Variants in MCTP1 observed in about 807,000 individuals in gnomAD.
MCTP1 encodes multiple C2 and transmembrane domain-containing protein 1.
In MCTP1, 69 loss-of-function variants were observed where a neutral mutation model predicts 120.6. The ratio of observed to expected loss-of-function variants is 0.57; its 90% CI spans 0.47 to 0.70. The LOEUF is 0.70. Among genes scored for constraint, MCTP1 ranks in the 30% least tolerant of loss-of-function variants. The pLI is 0.00. For missense variants in MCTP1, 1,203 were observed against 1,248.8 expected, an observed-to-expected ratio of 0.96 and a Z score of 0.55; for synonymous variants, 529 against 493.1, an observed-to-expected ratio of 1.07 and a Z score of -0.96.
chr5:95,021,378 G>T (rs1838172964), intron 1 of MCTP1, among the ~76,000 whole-genome samples: 1 of 151,996 alleles, frequency 6.6e-6, no homozygotes. Context: ...ACAAAATTTT[G>T]ATTTGAACTG....
At position 94,912,466 on chromosome 5, in the gene MCTP1, A is replaced by AAAAAAAAAAAAAAAAAG. The variant is rs1211529200; in HGVS notation, c.1521+339_1521+340insCTTTTTTTTTTTTTTTT. The stretch of plus-strand genomic sequence containing the variant: ...AAAAAAAAAAAAAAAAAAAAAAAAA[A>AAAAAAAAAAAAAAAAAG]GCCGCACTCTGAGTACTTTATGTGC... On this transcript the variant is annotated intron_variant, in intron 9 of 22. Coordinates refer to ENST00000515393, the MANE Select transcript of MCTP1 (RefSeq NM_024717.7). Among the ~76,000 whole-genome samples the AAAAAAAAAAAAAAAAAG allele has an allele frequency of 1.2e-3, 115 of 92,096 alleles. 34 individuals are homozygous for AAAAAAAAAAAAAAAAAG. The highest frequency in any genetic ancestry group is 1.5e-3 in the Non-Finnish European group (65 of 42,804). The allele number at this position is 92,096 out of a possible 152,430, so 60.4% of individuals were successfully genotyped here.
chr5:94,740,268 C>T (rs940542626), intron 19 of MCTP1, among the ~76,000 whole-genome samples: 1 of 152,226 alleles, frequency 6.6e-6, no homozygotes, highest in African/African-American at 2.4e-5. Flanking sequence ...AACCTCCTTA[C>T]ATGCCTTCAG....
At chr5:95,226,575 T>G (rs1754298394) in intron 1 of MCTP1, among the ~76,000 whole-genome samples, 1 of 152,094 alleles carries the variant, frequency 6.6e-6, no homozygotes, top group East Asian at 1.9e-4. Flanking sequence ...CACAATTTAC[T>G]GCTCTCTCAG....
intron 1 of MCTP1, among the ~76,000 whole-genome samples, chr5:95,249,543 C>T (rs543021452): frequency 5.9e-5 from 9 of 152,174 alleles, no homozygotes; most frequent in East Asian, 3.9e-4. Flanking sequence ...AATAGGAACG[C>T]TTTTCACTGT....
chr5:95,263,384 C>T (rs1180520199), intron 1 of MCTP1, among the ~76,000 whole-genome samples: 2 of 152,158 alleles, frequency 1.3e-5, no homozygotes, highest in African/African-American at 4.8e-5. Flanking sequence ...TCCCATGCAC[C>T]TCCATTCAAA....
chr5:94,750,288 G>A (rs902651261), intron 19 of MCTP1, among the ~76,000 whole-genome samples: 3 of 152,188 alleles, frequency 2.0e-5, no homozygotes, highest in Non-Finnish European at 2.9e-5. Context: ...TGTTATTGAC[G>A]TACAGGGGGA....
intron 1 of MCTP1, among the ~76,000 whole-genome samples, chr5:95,112,361 G>C (rs1016803061): frequency 6.6e-6 from 1 of 152,118 alleles, no homozygotes; most frequent in South Asian, 2.1e-4. Context: ...ACTTTCCATG[G>C]TATTTCTTCA....
At chr5:94,917,764 T>G (rs1338255056) in intron 8 of MCTP1, 132 bp downstream of exon 8, 2 of 623,230 alleles carry the variant, frequency 3.2e-6, no homozygotes, top group East Asian at 5.6e-5. Context: ...AAAATTAAGA[T>G]TACAATTCCT....
intron 18 of MCTP1, among the ~76,000 whole-genome samples, chr5:94,796,141 C>T (rs538649804): frequency 6.6e-6 from 1 of 152,322 alleles, no homozygotes; most frequent in Non-Finnish European, 1.5e-5. Flanking sequence ...TTTTCTTCTT[C>T]AACTTCGTAT....
intron 1 of MCTP1, among the ~76,000 whole-genome samples, chr5:95,043,002 T>G (rs1338696867): frequency 6.6e-6 from 1 of 152,158 alleles, no homozygotes; most frequent in Non-Finnish European, 1.5e-5. Flanking sequence ...ATGAGTAAAT[T>G]CTAATCACTA....
Position 95,017,445 on chromosome 5 carries a change from G to C in MCTP1, c.760C>G (p.Pro254Ala), listed in dbSNP as rs922235415. The change falls in exon 2 of 23, where the codon CCC (proline) becomes GCC (alanine). Residue 254 changes from proline (P) to alanine (A), a missense_variant. Physicochemically the swap from Pro to Ala is conservative, Grantham distance 27. Around this residue, in one of 2 missense-constraint regions of MCTP1, gnomAD observed 463 missense variants for 377.8 expected, o/e 1.23. Transcript: ENST00000515393. ...NTAGTSNAEV[P>A]LADPGMYQLD... ...TGGTACATTCCGGGATCAGCCAAGGGGACTTCTGCATTACTGGTTCCAGCA... is the reference window on the plus strand; with the variant it reads ...TGGTACATTCCGGGATCAGCCAAGGCGACTTCTGCATTACTGGTTCCAGCA... 6.2e-7 allele frequency: 1 copy of C among 1,609,720 alleles called. No individual in the cohort carries two copies. The highest frequency in any genetic ancestry group is 8.5e-7 in the Non-Finnish European group (1 of 1,177,464).
chr5:94,921,704 A>G (rs969050819), intron 7 of MCTP1, among the ~76,000 whole-genome samples: 5 of 152,192 alleles, frequency 3.3e-5, no homozygotes, highest in African/African-American at 4.8e-5. Context: ...TACTCAACCA[A>G]AGTAGACTTG....
chr5:94,876,246 A>G (rs1364922241), intron 12 of MCTP1, among the ~76,000 whole-genome samples: 1 of 152,192 alleles, frequency 6.6e-6, no homozygotes, highest in African/African-American at 2.4e-5. Context: ...AATACTAGTG[A>G]TGGACCTAAC....
At chr5:95,145,388 T>C (rs1418068977) in intron 1 of MCTP1, among the ~76,000 whole-genome samples, 2 of 152,182 alleles carry the variant, frequency 1.3e-5, no homozygotes, top group Non-Finnish European at 2.9e-5. Flanking sequence ...CTTTTATTTC[T>C]TTCTCTTGCC....
intron 1 of MCTP1, among the ~76,000 whole-genome samples, chr5:95,150,751 T>C (rs1760818296): frequency 6.6e-6 from 1 of 152,108 alleles, no homozygotes; most frequent in South Asian, 2.1e-4. Context: ...CATCTAAAAA[T>C]GTTACCACAG....
chr5:95,244,374 G>A (rs1756514362), intron 1 of MCTP1, among the ~76,000 whole-genome samples: 1 of 152,204 alleles, frequency 6.6e-6, no homozygotes, highest in African/African-American at 2.4e-5. Flanking sequence ...GCAGGGCGGG[G>A]CATCACCTCA....
chr5:94,980,732 ATCT>A (rs1382264611), intron 2 of MCTP1: 1 of 152,094 alleles, frequency 6.6e-6, no homozygotes. Context: ...CAATAAGCTG[ATCT>A]TCTTATCCAT....
intron 12 of MCTP1, 65 bp downstream of exon 12, chr5:94,888,814 A>G (rs1801890873): frequency 1.1e-6 from 1 of 912,050 alleles, no homozygotes; most frequent in Admixed American, 2.0e-5. Context: ...AAGTTGAATT[A>G]TTAAATGGTG....
At chr5:94,806,035 G>A (rs1208419706) in intron 17 of MCTP1, among the ~76,000 whole-genome samples, 1 of 151,596 alleles carries the variant, frequency 6.6e-6, no homozygotes, top group African/African-American at 2.4e-5. Context: ...CACTTCTTAG[G>A]TGTTCTGGTA....
Sources: gnomAD v4.1 joint callset for allele counts (sites outside exome capture counted in the v4.1 genomes callset) on GRCh38, gnomAD v4.1.1 for gene constraint, gnomAD v4.1.1 regional missense constraint, MANE v1.5 for transcripts, NCBI Gene and HGNC (gene_info 2026-07-23, HGNC 2026-07-21) for gene names.